The following PDGFC variants were observed in gnomAD, a reference collection of about 807,000 sequenced individuals.
The protein encoded by PDGFC is platelet-derived growth factor C.
A neutral mutation model predicts 35.5 loss-of-function variants in PDGFC; 12 were observed. The observed-to-expected ratio is 0.34, with a 90% CI of 0.22 to 0.55. The LOEUF is 0.55. Ranked by LOEUF, PDGFC falls within the 20% of genes least tolerant of loss-of-function variation. The pLI is 0.91. For synonymous variants in PDGFC, 159 were observed against 148.8 expected, an observed-to-expected ratio of 1.07 and a Z score of -0.50; for missense variants, 322 against 412.4, an observed-to-expected ratio of 0.78 and a Z score of 1.90.
chr4:156,955,032 A>G (rs1464139150), intron 1 of PDGFC, among the ~76,000 whole-genome samples: 1 of 152,054 alleles, frequency 6.6e-6, no homozygotes. Flanking sequence ...CAAGGTAGAA[A>G]GTGGTCAATT....
chr4:156,950,844 G>T (rs1732063725), intron 1 of PDGFC, among the ~76,000 whole-genome samples: 1 of 151,730 alleles, frequency 6.6e-6, no homozygotes, highest in Admixed American at 6.6e-5. Context: ...TTGGCAAAAA[G>T]AGCAAAAGTA....
At chr4:156,866,532 T>A (rs1729846882) in intron 1 of PDGFC, among the ~76,000 whole-genome samples, 1 of 152,006 alleles carries the variant, frequency 6.6e-6, no homozygotes, top group Non-Finnish European at 1.5e-5. Flanking sequence ...GGGGGACGTG[T>A]GTGGGTGTGT....
At chr4:156,910,589 T>C (rs887027666) in intron 1 of PDGFC, among the ~76,000 whole-genome samples, 3 of 152,146 alleles carry the variant, frequency 2.0e-5, no homozygotes, top group Non-Finnish European at 4.4e-5. Context: ...GATAAATGCA[T>C]ATTGACTTTT....
chr4:156,844,605 G>C (rs1015313414), intron 2 of PDGFC, among the ~76,000 whole-genome samples: 1 of 151,092 alleles, frequency 6.6e-6, no homozygotes, highest in Non-Finnish European at 1.5e-5. Flanking sequence ...ATACAAACAA[G>C]GACATAAGAA....
chr4:156,772,734 T>C lies in PDGFC; in HGVS notation c.655A>G (p.Thr219Ala). Residue 219 changes from threonine to alanine, a missense_variant, in exon 4 of 6, where the codon ACT (threonine) becomes GCT (alanine). Thr to Ala is a moderately conservative substitution (Grantham distance 58, BLOSUM62 0). Around this residue, in one of 2 missense-constraint regions of PDGFC, gnomAD observed 202 missense variants for 295.9 expected, o/e 0.68. Transcript: ENST00000502773. ...AAAGCCTTGCCAAGAAGTTGCCAAG[T>C]TGGCCTATATAGATCTTCTAAGTCC... is the stretch of plus-strand genomic sequence containing the variant. ...QLDLEDLYRP[T>A]WQLLGKAFVF... The C allele has an allele frequency of 6.2e-7, 1 of 1,613,658 alleles. No individual in the cohort carries two copies. Among genetic ancestry groups the C allele is most frequent in the South Asian group, 1.1e-5 (1 of 91,066 alleles).
At chr4:156,863,244 T>C (rs912822411) in intron 1 of PDGFC, among the ~76,000 whole-genome samples, 3 of 152,146 alleles carry the variant, frequency 2.0e-5, no homozygotes, top group Non-Finnish European at 4.4e-5. Flanking sequence ...ACTGTGAATA[T>C]CCCCAGAAAA....
chr4:156,873,071 C>T (rs1465777817), intron 1 of PDGFC, among the ~76,000 whole-genome samples: 1 of 152,090 alleles, frequency 6.6e-6, no homozygotes, highest in Non-Finnish European at 1.5e-5. Flanking sequence ...TTTTAGGCTG[C>T]AGTATGCTGT....
intron 1 of PDGFC, among the ~76,000 whole-genome samples, chr4:156,867,178 T>C (rs183339585): frequency 6.6e-6 from 1 of 152,350 alleles, no homozygotes; most frequent in East Asian, 1.9e-4. Context: ...GCTGAAATTT[T>C]TAATAAATCA....
intron 1 of PDGFC, among the ~76,000 whole-genome samples, chr4:156,880,476 T>C (rs1304576245): frequency 6.6e-6 from 1 of 152,174 alleles, no homozygotes; most frequent in Non-Finnish European, 1.5e-5. Context: ...TTACTGCTCA[T>C]TGATAACGCA....
In PDGFC at chr4:156,878,038, G is replaced by A. The variant is rs59652347; in HGVS notation, c.119-27622C>T. The stretch of plus-strand genomic sequence containing the variant: ...CTCCTCAATTAGAAGGTAAGTTCCC[G>A]AGGTATAGGACTAGGTTTGCCTTAC... On this transcript the variant is annotated intron_variant, in intron 1 of 5. Coordinates refer to ENST00000502773, the MANE Select transcript of PDGFC (RefSeq NM_016205.3). 7.8e-3 allele frequency among the ~76,000 whole-genome samples: 1,192 copies of A among 152,252 alleles called. 9 individuals are homozygous for A. The highest frequency in any genetic ancestry group is 0.027 in the African/African-American group (1,107 of 41,544).
intron 3 of PDGFC, among the ~76,000 whole-genome samples, chr4:156,775,183 T>G (rs188735713): frequency 2.6e-4 from 39 of 152,272 alleles, no homozygotes; most frequent in African/African-American, 7.2e-4. Context: ...AACATTGATC[T>G]AAAAACGGTT....
chr4:156,848,584 T>C (rs1729380919), intron 2 of PDGFC, among the ~76,000 whole-genome samples: 2 of 152,030 alleles, frequency 1.3e-5, no homozygotes, highest in Admixed American at 1.3e-4. Flanking sequence ...TTTTAAAGCA[T>C]AATTTTTTTA....
At chr4:156,917,734 G>A (rs1190651776) in intron 1 of PDGFC, among the ~76,000 whole-genome samples, 8 of 152,132 alleles carry the variant, frequency 5.3e-5, no homozygotes, top group Admixed American at 3.9e-4. Flanking sequence ...CCTACCTAAT[G>A]TACATGAGTT....
At chr4:156,776,012 C>T (rs1052228246) in intron 3 of PDGFC, among the ~76,000 whole-genome samples, 2 of 152,086 alleles carry the variant, frequency 1.3e-5, no homozygotes, top group African/African-American at 4.8e-5. Context: ...ACTGTCCCTC[C>T]ACCCACTGGT....
In PDGFC at chr4:156,762,106, A is replaced by G. The variant is rs1324263690; in HGVS notation, c.*984T>C. 1 of 152,640 alleles carries G rather than the reference A, an allele frequency of 6.6e-6. No homozygotes were observed. Among genetic ancestry groups the G allele is most frequent in the Non-Finnish European group, 1.5e-5 (1 of 68,036 alleles). 9.5% of individuals were successfully genotyped at this position (152,640 alleles called of 1,614,324 possible). On this transcript the variant is annotated 3_prime_UTR_variant, in exon 6 of 6. Transcript: ENST00000502773. ...AAAGTCTTTGCAACTTACCAATTCTATTCCAATTCAGTTTTTTAAAATGCA... is the reference window on the plus strand; with the variant it reads ...AAAGTCTTTGCAACTTACCAATTCTGTTCCAATTCAGTTTTTTAAAATGCA...
chr4:156,928,575 T>C (rs1470685538), intron 1 of PDGFC, among the ~76,000 whole-genome samples: 2 of 152,156 alleles, frequency 1.3e-5, no homozygotes, highest in East Asian at 1.9e-4. Flanking sequence ...GAGGCCTGAA[T>C]GGCAAATGGA....
chr4:156,944,365 C>T (rs767515496), intron 1 of PDGFC, among the ~76,000 whole-genome samples: 1 of 152,058 alleles, frequency 6.6e-6, no homozygotes, highest in African/African-American at 2.4e-5. Context: ...AAAAAAAGGG[C>T]CTGTCTTCCA....
intron 3 of PDGFC, among the ~76,000 whole-genome samples, chr4:156,789,129 T>C (rs987918826): frequency 2.0e-5 from 3 of 152,210 alleles, no homozygotes; most frequent in Non-Finnish European, 4.4e-5. Context: ...ACTGCTACAA[T>C]CTGAAAACAT....
intron 1 of PDGFC, among the ~76,000 whole-genome samples, chr4:156,913,955 T>G (rs1731100994): frequency 6.6e-6 from 1 of 152,160 alleles, no homozygotes; most frequent in Non-Finnish European, 1.5e-5. Context: ...GGGTATTAGG[T>G]ACTGAGTCAT....
Sources: allele counts gnomAD v4.1 joint callset (sites outside exome capture counted in the v4.1 genomes callset), GRCh38; gene constraint gnomAD v4.1.1; regional missense constraint gnomAD v4.1.1; transcripts MANE v1.5; gene names NCBI Gene and HGNC (gene_info 2026-07-23, HGNC 2026-07-21).